IL11: variants seen among roughly 807,000 people sequenced by gnomAD.
IL11 encodes the protein interleukin-11.
IL11 carries 17 observed loss-of-function variants against 18.1 expected under a neutral mutation model. The observed-to-expected ratio is 0.94, with a 90% CI of 0.64 to 1.41. The LOEUF is 1.41. IL11 is among the 40% of genes most tolerant of loss of function. The probability of loss-of-function intolerance (pLI) is 0.00; values close to 1 mark genes in which losing one functional copy is unlikely to be tolerated. For missense variants in IL11, 309 were observed against 262.8 expected, an observed-to-expected ratio of 1.18 and a Z score of -1.22; for synonymous variants, 144 against 134.1, an observed-to-expected ratio of 1.07 and a Z score of -0.51.
rs1006814215 is a variant in IL11, at chr19:55,369,677, C to T, written c.7+627G>A. The stretch of plus-strand genomic sequence containing the variant: ...TCCGGAGCTCGCTCCCCGCAGCCCA[C>T]CCCGGCCGCCCCGCCCACCCGGCCA... On this transcript the variant is annotated intron_variant, in intron 1 of 4. Transcript: ENST00000264563. The surrounding 1 kb of genome is among the most constrained non-coding windows in gnomAD (Gnocchi z 6.1). Among the ~76,000 whole-genome samples the T allele has an allele frequency of 6.9e-5, 10 of 144,912 alleles. No homozygotes were observed. The highest frequency in any genetic ancestry group is 3.5e-3 in the Middle Eastern group (1 of 284).
chr19:55,365,972 G>T lies in IL11; in HGVS notation c.*35C>A. ...GAAATAAATAAATAAATAAGATCTG[G>T]CTTTGGAAGGACGGTGGTGGCTTTG... On this transcript the variant is annotated 3_prime_UTR_variant, in exon 5 of 5. Coordinates refer to ENST00000264563, the MANE Select transcript of IL11 (RefSeq NM_000641.4). 6.4e-7 allele frequency: 1 copy of T among 1,569,516 alleles called. No homozygotes were observed. Among genetic ancestry groups the T allele is most frequent in the Non-Finnish European group, 8.6e-7 (1 of 1,158,284 alleles).
Position 55,365,671 on chromosome 19 carries a change from T to G in IL11, c.*336A>C. The G allele has an allele frequency of 3.6e-6, 1 of 278,024 alleles. No homozygotes were observed. The highest frequency in any genetic ancestry group is 6.7e-6 in the Non-Finnish European group (1 of 149,334). The allele number at this position is 278,024 out of a possible 1,614,324, so 17.2% of individuals were successfully genotyped here. On this transcript the variant is annotated 3_prime_UTR_variant, in exon 5 of 5. Transcript: ENST00000264563. Reference sequence around the variant, plus strand: ...TCCGTCCCCACCCCAACATGAAAAGTAATTGCTTAAATAAATAATATATGT... The same window carrying G: ...TCCGTCCCCACCCCAACATGAAAAGGAATTGCTTAAATAAATAATATATGT...
In IL11 at chr19:55,368,898, A is replaced by G. The variant is rs2089803564; in HGVS notation, c.51T>C (p.Asp17=). 1.3e-6 allele frequency: 2 copies of G among 1,559,818 alleles called. No individual in the cohort carries two copies. Among genetic ancestry groups the G allele is most frequent in the East Asian group, 4.7e-5 (2 of 42,906 alleles). The change falls in exon 2 of 5, where the codon GAT becomes GAC. Residue 17 remains aspartate, a synonymous_variant. Coordinates refer to ENST00000264563, the MANE Select transcript of IL11 (RefSeq NM_000641.4). ...GTGGTGGCCCAGGGGCGACAGCTGT[A>G]TCTGGCCACAGGCTCAGCACGACCA... ...LVLVVLSLWP[D]TAVAPGPPPG...
chr19:55,368,916 C>T lies in IL11; in HGVS notation c.33G>A (p.Val11=). The change falls in exon 2 of 5, where the codon GTG becomes GTA. Residue 11 remains valine (V), a synonymous_variant. Coordinates refer to ENST00000264563, the MANE Select transcript of IL11 (RefSeq NM_000641.4). ...CAGCTGTATCTGGCCACAGGCTCAGCACGACCAGGACCAGGCGGCAAACAC... is the reference window on the plus strand; with the variant it reads ...CAGCTGTATCTGGCCACAGGCTCAGTACGACCAGGACCAGGCGGCAAACAC... MNCVCRLVLV[V]LSLWPDTAVA... 6.5e-7 allele frequency: 1 copy of T among 1,542,780 alleles called. No homozygotes were observed. The highest frequency in any genetic ancestry group is 8.8e-7 in the Non-Finnish European group (1 of 1,141,074).
chr19:55,367,211 G>A (rs373935888), intron 4 of IL11, among the ~76,000 whole-genome samples: 59 of 152,142 alleles, frequency 3.9e-4, no homozygotes, highest in African/African-American at 1.4e-3. Context: ...GGGTCTTGGA[G>A]TCGTACAGGC....
At position 55,366,073 on chromosome 19, in the gene IL11, C is replaced by CA; in HGVS notation, c.533dup (p.Leu181AlafsTer6). ...AGTCAAGTGTCAGGTGCAGCCCCCC[C>CA]AGGATGGCGTGGGCGGCCCTGATGC... On this transcript the variant is annotated frameshift_variant, in exon 5 of 5. Transcript: ENST00000264563. LOFTEE classifies it high-confidence loss of function. The surrounding 1 kb of genome is among the most constrained non-coding windows in gnomAD (Gnocchi z 4.6). 1.9e-6 allele frequency: 3 copies of CA among 1,597,664 alleles called. No individual in the cohort carries two copies. Among genetic ancestry groups the CA allele is most frequent in the Non-Finnish European group, 2.6e-6 (3 of 1,173,606 alleles).
chr19:55,368,190 G>T lies in IL11; in HGVS notation c.429+20C>A. 1 of 1,514,466 alleles carries T rather than the reference G, an allele frequency of 6.6e-7. No homozygotes were observed. 93.8% of individuals were successfully genotyped at this position (1,514,466 alleles called of 1,614,324 possible). ...CAGGGGTGGGGGTCTGGGGTGTCAG[G>T]TCTTGGGGCCAGGACATACCAGGAG... On this transcript the variant is annotated intron_variant, in intron 4 of 4. Transcript: ENST00000264563.
At position 55,366,241 on chromosome 19, in the gene IL11, G is replaced by T; in HGVS notation, c.430-64C>A. ...TGCAGCGGGGGTGCAGGGCAGGGGT[G>T]CTGTGGAGCTGCAGCTGAATCGGGG... On this transcript the variant is annotated intron_variant, in intron 4 of 4. Transcript: ENST00000264563. The surrounding 1 kb of genome is among the most constrained non-coding windows in gnomAD (Gnocchi z 4.6). 1 of 1,420,242 alleles carries T rather than the reference G, an allele frequency of 7.0e-7. No individual in the cohort carries two copies. Among genetic ancestry groups the T allele is most frequent in the Non-Finnish European group, 9.2e-7 (1 of 1,083,930 alleles). The allele number at this position is 1,420,242 out of a possible 1,614,324, so 88.0% of individuals were successfully genotyped here. A position where few individuals can be genotyped will look rare whatever the true frequency, so the allele number is the denominator to read the frequency against.
chr19:55,368,442 C>T (rs2089799776), intron 3 of IL11, 41 bp downstream of exon 3: 3 of 1,580,288 alleles, frequency 1.9e-6, no homozygotes, highest in Non-Finnish European at 2.6e-6. Flanking sequence ...CCTTCACTGC[C>T]TGCCTCCCAC....
In IL11 at chr19:55,369,591, C is replaced by T. The variant is rs902625466; in HGVS notation, c.8-650G>A. ...AGAGGGGCAGAGCCATGGGCCCGGC[C>T]GGGCCGCGGGAGCGGGAGAGCTGGC... On this transcript the variant is annotated intron_variant, in intron 1 of 4. Transcript: ENST00000264563. The surrounding 1 kb of genome is among the most constrained non-coding windows in gnomAD (Gnocchi z 6.1). 6.8e-5 allele frequency among the ~76,000 whole-genome samples: 10 copies of T among 147,082 alleles called. No individual in the cohort carries two copies. The highest frequency in any genetic ancestry group is 1.4e-4 in the Non-Finnish European group (9 of 66,350).
chr19:55,366,070 C>T lies in IL11; in HGVS notation c.537G>A (p.Gly179=), dbSNP rs1287428109. 2 of 1,598,958 alleles carry T rather than the reference C, an allele frequency of 1.3e-6. No individual in the cohort carries two copies. Among genetic ancestry groups the T allele is most frequent in the South Asian group, 1.1e-5 (1 of 88,474 alleles). The change falls in exon 5 of 5, where the codon GGG becomes GGA. Residue 179 remains glycine (G), a synonymous_variant. Coordinates refer to ENST00000264563, the MANE Select transcript of IL11 (RefSeq NM_000641.4). The surrounding 1 kb of genome is among the most constrained non-coding windows in gnomAD (Gnocchi z 4.6). ...GGIRAAHAIL[G]GLHLTLDWAV... ...CCCAGTCAAGTGTCAGGTGCAGCCCCCCCAGGATGGCGTGGGCGGCCCTGA... is the reference window on the plus strand; with the variant it reads ...CCCAGTCAAGTGTCAGGTGCAGCCCTCCCAGGATGGCGTGGGCGGCCCTGA...
chr19:55,364,774 C>G lies in IL11; in HGVS notation c.*1233G>C, dbSNP rs1018316259. On this transcript the variant is annotated 3_prime_UTR_variant, in exon 5 of 5. Transcript: ENST00000264563. ...GTGCCAGGATTACAGGCGTGAGCCA[C>G]CATGCCTGGCCAATGTCAGGATATC... 3 of 152,210 alleles carry G rather than the reference C, an allele frequency of 2.0e-5. No homozygotes were observed. The highest frequency in any genetic ancestry group is 4.4e-5 in the Non-Finnish European group (3 of 68,056). The allele number at this position is 152,210 out of a possible 1,614,324, so 9.4% of individuals were successfully genotyped here.
Position 55,364,540 on chromosome 19 carries a change from T to C in IL11, c.*1467A>G, listed in dbSNP as rs1240013903. 1 of 152,094 alleles carries C rather than the reference T, an allele frequency of 6.6e-6. No homozygotes were observed. The highest frequency in any genetic ancestry group is 1.5e-5 in the Non-Finnish European group (1 of 68,004). 9.4% of individuals were successfully genotyped at this position (152,094 alleles called of 1,614,324 possible). On this transcript the variant is annotated 3_prime_UTR_variant, in exon 5 of 5. Transcript: ENST00000264563. ...GACCTGGAGACAGTCATTGTCAACA[T>C]TTTGGCGTATTTCCCTTTAGGATTT...
rs2089803343 is a variant in IL11 at position 55,368,863 on chromosome 19, G to C, written c.86C>G (p.Pro29Arg). The change falls in exon 2 of 5, where the codon CCT becomes CGT. Residue 29 changes from proline (P) to arginine (R), a missense_variant. Coordinates refer to ENST00000264563, the MANE Select transcript of IL11 (RefSeq NM_000641.4). ...GGCCCGAGGGTCTGGGGAAACTCGA[G>C]GGGGGCCAGGTGGTGGCCCAGGGGC... is the stretch of plus-strand genomic sequence containing the variant. The part of the protein sequence containing the change: ...AVAPGPPPGP[P>R]RVSPDPRAEL... 1 of 1,578,182 alleles carries C rather than the reference G, an allele frequency of 6.3e-7. No homozygotes were observed. Among genetic ancestry groups the C allele is most frequent in the South Asian group, 1.2e-5 (1 of 85,958 alleles).
chr19:55,368,558 G>C lies in IL11; in HGVS notation c.192C>G (p.Phe64Leu). ...RQLAAQLRDK[F>L]PADGDHNLDS... ...CCAGGTTGTGGTCCCCGTCAGCTGG[G>C]AATTTGTCCCTCTGGCAGGGAAAAA... Residue 64 changes from phenylalanine (F) to leucine (L), a missense_variant, in exon 3 of 5, where the codon TTC (phenylalanine) becomes TTG (leucine). Transcript: ENST00000264563. 6.2e-7 allele frequency: 1 copy of C among 1,611,928 alleles called. No individual in the cohort carries two copies. The highest frequency in any genetic ancestry group is 8.5e-7 in the Non-Finnish European group (1 of 1,179,366).
At chr19:55,367,449 T>TG in intron 4 of IL11, among the ~76,000 whole-genome samples, 1 of 104,718 alleles carries the variant, frequency 9.5e-6, no homozygotes, top group Non-Finnish European at 2.1e-5. Flanking sequence ...TTCTTTTCCT[T>TG]CTTTTTTTTT....
Position 55,368,374 on chromosome 19 carries a change from G to A in IL11, c.268-3C>T. 1.3e-6 allele frequency: 2 copies of A among 1,594,168 alleles called. No homozygotes were observed. Among genetic ancestry groups the A allele is most frequent in the Non-Finnish European group, 8.6e-7 (1 of 1,165,572 alleles). On this transcript the variant is annotated splice_polypyrimidine_tract_variant and splice_region_variant and intron_variant, in intron 3 of 4. Coordinates refer to ENST00000264563, the MANE Select transcript of IL11 (RefSeq NM_000641.4). ...AGCCTTGTCAGCACACCTGGGAGCTGGGGATAGAGCCGGGACATCAGAGAA... is the reference window on the plus strand; with the variant it reads ...AGCCTTGTCAGCACACCTGGGAGCTAGGGATAGAGCCGGGACATCAGAGAA...
In IL11 at chr19:55,366,245, T is replaced by G; in HGVS notation, c.430-68A>C. ...GCGGGGGTGCAGGGCAGGGGTGCTGTGGAGCTGCAGCTGAATCGGGGCTGC... is the reference window on the plus strand; with the variant it reads ...GCGGGGGTGCAGGGCAGGGGTGCTGGGGAGCTGCAGCTGAATCGGGGCTGC... On this transcript the variant is annotated intron_variant, in intron 4 of 4. Transcript: ENST00000264563. This position sits in a 1 kb window ranked among gnomAD's most constrained non-coding sequence, Gnocchi z 4.6. The G allele has an allele frequency of 1.4e-6, 2 of 1,416,616 alleles. No homozygotes were observed. The highest frequency in any genetic ancestry group is 1.8e-6 in the Non-Finnish European group (2 of 1,082,006). 87.8% of individuals were successfully genotyped at this position (1,416,616 alleles called of 1,614,324 possible). A position where few individuals can be genotyped will look rare whatever the true frequency, so the allele number is the denominator to read the frequency against.
chr19:55,368,402 C>A (rs200616892), intron 3 of IL11, 31 bp from the exon 4 acceptor site: 31 of 1,586,708 alleles, frequency 2.0e-5, no homozygotes, highest in Admixed American at 6.8e-5. Flanking sequence ...TCAGAGAACA[C>A]CCGACCAGTG....
Sources: gnomAD v4.1 joint callset for allele counts (sites outside exome capture counted in the v4.1 genomes callset) on GRCh38, gnomAD v4.1.1 for gene constraint, Gnocchi (gnomAD v3.1) non-coding constraint, MANE v1.5 for transcripts, NCBI Gene and HGNC (gene_info 2026-07-23, HGNC 2026-07-21) for gene names.